PPP4R1: variants seen among roughly 807,000 people sequenced by gnomAD.
The protein encoded by PPP4R1 is serine/threonine-protein phosphatase 4 regulatory subunit 1.
PPP4R1 carries 42 observed loss-of-function variants against 111.2 expected under a neutral mutation model. The observed-to-expected ratio is 0.38, with a 90% CI of 0.29 to 0.49. PPP4R1 has a LOEUF of 0.49. Ranked by LOEUF, PPP4R1 falls within the 20% of genes least tolerant of loss-of-function variation. PPP4R1 has a pLI of 0.97. For missense variants in PPP4R1, 1,012 were observed against 1,161.6 expected (o/e 0.87, Z 1.87); for synonymous variants, 409 against 405.5 (o/e 1.01, Z -0.10).
At chr18:9,570,055 T>C (rs2066834122) in intron 11 of PPP4R1, 102 bp downstream of exon 11, 6 of 1,297,458 alleles carry the variant, frequency 4.6e-6, no homozygotes, top group Admixed American at 2.6e-5. Flanking sequence ...CAGTCCATAA[T>C]ACATTATTAA....
intron 15 of PPP4R1, 24 bp downstream of exon 15, chr18:9,557,197 T>C: frequency 1.3e-6 from 2 of 1,553,748 alleles, no homozygotes; most frequent in South Asian, 2.5e-5. Flanking sequence ...GTTGTGTTTT[T>C]ATGCAAAAAA....
At chr18:9,578,809 CGAAACATTATG>C (rs1031557829) in intron 9 of PPP4R1, among the ~76,000 whole-genome samples, 1 of 152,006 alleles carries the variant, frequency 6.6e-6, no homozygotes, top group Non-Finnish European at 1.5e-5. Flanking sequence ...CACTTACTTA[CGAAACATTATG>C]GAAACATTAC....
chr18:9,599,154 G>C (rs2067338683), intron 2 of PPP4R1, among the ~76,000 whole-genome samples: 2 of 152,100 alleles, frequency 1.3e-5, no homozygotes, highest in African/African-American at 4.8e-5. Flanking sequence ...AATATATATT[G>C]TGGGGTTCAC....
At chr18:9,557,105 G>T in intron 15 of PPP4R1, 116 bp downstream of exon 15, 1 of 981,684 alleles carries the variant, frequency 1.0e-6, no homozygotes, top group Non-Finnish European at 1.5e-6. Flanking sequence ...TCAACTTATG[G>T]CTGTGTTTTC....
chr18:9,582,409 A>G (rs1266820736), intron 9 of PPP4R1, among the ~76,000 whole-genome samples: 1 of 152,182 alleles, frequency 6.6e-6, no homozygotes, highest in Non-Finnish European at 1.5e-5. Context: ...ATAATCATAT[A>G]CCAACAAATT....
At chr18:9,602,230 TG>T (rs2067395669) in intron 2 of PPP4R1, among the ~76,000 whole-genome samples, 1 of 151,760 alleles carries the variant, frequency 6.6e-6, no homozygotes, top group Non-Finnish European at 1.5e-5. Flanking sequence ...GTGCCTAAAA[TG>T]TAATAGTTTA....
intron 2 of PPP4R1, among the ~76,000 whole-genome samples, chr18:9,609,546 T>C (rs1246508009): frequency 6.6e-6 from 1 of 152,128 alleles, no homozygotes; most frequent in Non-Finnish European, 1.5e-5. Flanking sequence ...AACAGCATAA[T>C]GTAAAAGGAT....
chr18:9,608,785 G>A (rs1259367139), intron 2 of PPP4R1, among the ~76,000 whole-genome samples: 1 of 152,168 alleles, frequency 6.6e-6, no homozygotes, highest in East Asian at 1.9e-4. Flanking sequence ...TACAAACATA[G>A]GAGCAAGGTA....
chr18:9,557,145 G>T (rs966398181), intron 15 of PPP4R1, 76 bp downstream of exon 15: 1 of 1,346,314 alleles, frequency 7.4e-7, no homozygotes. Flanking sequence ...AACCTCTCTT[G>T]GTGATAGCAG....
intron 11 of PPP4R1, among the ~76,000 whole-genome samples, chr18:9,567,939 CAGCATTTTTT>C (rs900566648): frequency 2.6e-5 from 4 of 152,180 alleles, no homozygotes; most frequent in African/African-American, 9.7e-5. Context: ...AGATGATCAT[CAGCATTTTTT>C]AGTATTTTTT....
intron 11 of PPP4R1, among the ~76,000 whole-genome samples, chr18:9,566,013 C>T (rs1227560296): frequency 6.6e-5 from 10 of 151,980 alleles, no homozygotes; most frequent in Non-Finnish European, 1.3e-4. Context: ...CGGGTTCTAG[C>T]AATTCTCCTG....
intron 5 of PPP4R1, 133 bp from the exon 6 acceptor site, chr18:9,588,368 T>C: frequency 9.8e-7 from 1 of 1,017,920 alleles, no homozygotes. Flanking sequence ...TAAATATTTG[T>C]GTTTATTTTC....
At chr18:9,567,322 G>A (rs973406455) in intron 11 of PPP4R1, among the ~76,000 whole-genome samples, 3 of 152,218 alleles carry the variant, frequency 2.0e-5, no homozygotes, top group African/African-American at 7.2e-5. Flanking sequence ...GAAAACGTGA[G>A]TGAAATGCTA....
intron 2 of PPP4R1, among the ~76,000 whole-genome samples, chr18:9,600,679 G>A (rs2067366232): frequency 6.6e-6 from 1 of 152,082 alleles, no homozygotes; most frequent in Non-Finnish European, 1.5e-5. Context: ...TTTGAGATGA[G>A]ACCAGCCTGG....
chr18:9,557,295 T>C lies in PPP4R1; in HGVS notation c.2116A>G (p.Ile706Val). The change falls in exon 15 of 20, where the codon ATT becomes GTT. Residue 706 changes from isoleucine (I) to valine (V), a missense_variant. Physicochemically the swap from Ile to Val is conservative, Grantham distance 29. This residue lies in a region of PPP4R1 where 305 missense variants were observed against 419.5 expected (regional missense o/e 0.73). Transcript: ENST00000400556. ...AGGTCTTTTAAAAATCCATTAAAAA[T>C]TGGAACCAGATCTGCAGCTGTCAAT... Reference protein sequence around the residue: ...DQLTAADLVPIFNGFLKDLDE... With the variant: ...DQLTAADLVPVFNGFLKDLDE... The C allele has an allele frequency of 2.5e-6, 4 of 1,613,224 alleles. No homozygotes were observed. Among genetic ancestry groups the C allele is most frequent in the Non-Finnish European group, 3.4e-6 (4 of 1,179,678 alleles).
intron 6 of PPP4R1, among the ~76,000 whole-genome samples, chr18:9,586,807 G>GA (rs1166108301): frequency 8.5e-5 from 13 of 152,070 alleles, no homozygotes; most frequent in Non-Finnish European, 1.5e-4. Context: ...AATTTACCAT[G>GA]AGAATTACTA....
At position 9,549,217 on chromosome 18, in the gene PPP4R1, C is replaced by T; in HGVS notation, c.2669G>A (p.Arg890Lys). The change falls in exon 19 of 20, where the codon AGA becomes AAA. Residue 890 changes from arginine to lysine, a missense_variant. This residue lies in a region of PPP4R1 where 305 missense variants were observed against 419.5 expected (regional missense o/e 0.73). Coordinates refer to ENST00000400556, the MANE Select transcript of PPP4R1 (RefSeq NM_001042388.3). Reference sequence around the variant, plus strand: ...CCTACCTTTTTCTAGTAGAGTTTGTCTTAATGTCTTTGCAAGCAGCACTCG... The same window carrying T: ...CCTACCTTTTTCTAGTAGAGTTTGTTTTAATGTCTTTGCAAGCAGCACTCG... The part of the protein sequence containing the change: ...NVRVLLAKTL[R>K]QTLLEKDYFL... The T allele has an allele frequency of 1.2e-6, 2 of 1,613,908 alleles. No individual in the cohort carries two copies. Among genetic ancestry groups the T allele is most frequent in the Non-Finnish European group, 1.7e-6 (2 of 1,179,804 alleles).
intron 2 of PPP4R1, among the ~76,000 whole-genome samples, chr18:9,611,793 C>A (rs1399396159): frequency 6.6e-6 from 1 of 151,990 alleles, no homozygotes. Context: ...AGGTGGATCA[C>A]CTGAGGTCGG....
rs1304948667 is a variant in PPP4R1, at chr18:9,550,100, G to A, written c.2499C>T (p.Gly833=). ...GCCGACCAGACCACTTGGGACATCTGCCAAAGTTCTCCACAAGCTCATTGA... is the reference window on the plus strand; with the variant it reads ...GCCGACCAGACCACTTGGGACATCTACCAAAGTTCTCCACAAGCTCATTGA... ...DLINELVENF[G]RCPKWSGRQA... Residue 833 remains glycine, a synonymous_variant, in exon 18 of 20, where the codon GGC becomes GGT. Coordinates refer to ENST00000400556, the MANE Select transcript of PPP4R1 (RefSeq NM_001042388.3). 8 of 1,614,220 alleles carry A rather than the reference G, an allele frequency of 5.0e-6. No homozygotes were observed. The highest frequency in any genetic ancestry group is 2.2e-5 in the South Asian group (2 of 91,082).
Sources: gnomAD v4.1 joint callset for allele counts (sites outside exome capture counted in the v4.1 genomes callset) on GRCh38, gnomAD v4.1.1 for gene constraint, gnomAD v4.1.1 regional missense constraint, MANE v1.5 for transcripts, NCBI Gene and HGNC (gene_info 2026-07-23, HGNC 2026-07-21) for gene names.